The following THSD4 variants were observed in gnomAD, a reference collection of about 807,000 sequenced individuals.
THSD4 encodes thrombospondin type-1 domain-containing protein 4.
Under a neutral mutation model 119.0 loss-of-function variants are expected in THSD4, and 69 were observed. That is an observed-to-expected ratio of 0.58 (90% CI 0.48 to 0.71). The LOEUF (loss-of-function observed/expected upper bound fraction) is 0.71, where lower values mean the gene tolerates loss of function less well. Among genes scored for constraint, THSD4 ranks in the 30% least tolerant of loss-of-function variants. THSD4 has a pLI of 0.00. For synonymous variants in THSD4, 524 were observed against 540.4 expected, an observed-to-expected ratio of 0.97 and a Z score of 0.42; for missense variants, 1,393 against 1,391.1, an observed-to-expected ratio of 1.00 and a Z score of -0.02.
At chr15:71,677,356 T>C (rs988523851) in intron 8 of THSD4, among the ~76,000 whole-genome samples, 2 of 152,236 alleles carry the variant, frequency 1.3e-5, no homozygotes, top group African/African-American at 4.8e-5. Flanking sequence ...TCTTGCCTTT[T>C]CTTCACCAAA....
intron 6 of THSD4, among the ~76,000 whole-genome samples, chr15:71,289,547 C>T (rs1216575736): frequency 6.6e-6 from 1 of 152,160 alleles, no homozygotes; most frequent in Non-Finnish European, 1.5e-5. Context: ...TGGGGGTTCT[C>T]TTTTGAGGTC....
At chr15:71,678,687 A>G (rs556521353) in intron 8 of THSD4, among the ~76,000 whole-genome samples, 4 of 152,168 alleles carry the variant, frequency 2.6e-5, no homozygotes, top group Non-Finnish European at 5.9e-5. Context: ...TTTAGCATCA[A>G]CAGCTTTAAG....
intron 7 of THSD4, among the ~76,000 whole-genome samples, chr15:71,631,428 T>A (rs1239555286): frequency 6.6e-6 from 1 of 152,188 alleles, no homozygotes; most frequent in Admixed American, 6.5e-5. Flanking sequence ...ACAAACACCC[T>A]CACTAAGTCT....
At chr15:71,556,532 G>C in intron 7 of THSD4, among the ~76,000 whole-genome samples, 1 of 151,912 alleles carries the variant, frequency 6.6e-6, no homozygotes, top group African/African-American at 2.4e-5. Context: ...GGCAGATCAC[G>C]TGAGCCCAGG....
At chr15:71,462,072 G>A (rs1273736885) in intron 7 of THSD4, among the ~76,000 whole-genome samples, 4 of 152,116 alleles carry the variant, frequency 2.6e-5, no homozygotes, top group South Asian at 2.1e-4. Flanking sequence ...CCTTACAGTT[G>A]GAAGAAATCT....
At chr15:71,685,793 C>T (rs1320445141) in intron 8 of THSD4, among the ~76,000 whole-genome samples, 1 of 151,800 alleles carries the variant, frequency 6.6e-6, no homozygotes, top group Non-Finnish European at 1.5e-5. Context: ...GAAACCACAT[C>T]AATAAACTTG....
At chr15:71,598,820 G>A (rs1434379092) in intron 7 of THSD4, among the ~76,000 whole-genome samples, 1 of 151,996 alleles carries the variant, frequency 6.6e-6, no homozygotes, top group Non-Finnish European at 1.5e-5. Flanking sequence ...GTTTCGCCCT[G>A]TTGCCCAGGC....
intron 6 of THSD4, among the ~76,000 whole-genome samples, chr15:71,331,924 A>G (rs2140374359): frequency 6.6e-6 from 1 of 152,078 alleles, no homozygotes; most frequent in South Asian, 2.1e-4. Flanking sequence ...TCTTCCAGGA[A>G]GCAGACATCA....
chr15:71,668,040 A>AT (rs965732245), intron 8 of THSD4, among the ~76,000 whole-genome samples: 16 of 151,418 alleles, frequency 1.1e-4, no homozygotes, highest in Middle Eastern at 3.4e-3. Context: ...TATGTTATTG[A>AT]TTTTTTTTTA....
At chr15:71,217,433 G>C (rs912129772) in intron 4 of THSD4, among the ~76,000 whole-genome samples, 1 of 151,950 alleles carries the variant, frequency 6.6e-6, no homozygotes, top group African/African-American at 2.4e-5. Context: ...CTGGCTAAAC[G>C]TGGTGAAACC....
chr15:71,307,009 C>A (rs1451334790), intron 6 of THSD4, among the ~76,000 whole-genome samples: 1 of 152,214 alleles, frequency 6.6e-6, no homozygotes, highest in African/African-American at 2.4e-5. Context: ...TGTCCTCTCT[C>A]CAGGTCTTGC....
At chr15:71,605,284 T>A (rs977052414) in intron 7 of THSD4, among the ~76,000 whole-genome samples, 3 of 152,230 alleles carry the variant, frequency 2.0e-5, no homozygotes, top group African/African-American at 7.2e-5. Flanking sequence ...TTATACCTAC[T>A]GTCCTAATAT....
chr15:71,350,141 T>TAAAAAAAAAAAAAAAAAAAAA (rs3086680), intron 6 of THSD4, among the ~76,000 whole-genome samples: 2 of 111,174 alleles, frequency 1.8e-5, no homozygotes, highest in African/African-American at 3.6e-5. Flanking sequence ...TGCAAATTAC[T>TAAAAAAAAAAAAAAAAAAAAA]AAAAAAAAAA....
intron 8 of THSD4, among the ~76,000 whole-genome samples, chr15:71,721,193 C>T (rs939048087): frequency 1.3e-5 from 2 of 151,298 alleles, no homozygotes; most frequent in African/African-American, 2.4e-5. Flanking sequence ...ATGGTGAAAC[C>T]CTGTCTCTAT....
intron 7 of THSD4, among the ~76,000 whole-genome samples, chr15:71,482,393 C>T (rs2047745932): frequency 6.6e-6 from 1 of 151,454 alleles, no homozygotes; most frequent in African/African-American, 2.4e-5. Flanking sequence ...TGGGTTCACG[C>T]CATTCTCCTG....
intron 6 of THSD4, among the ~76,000 whole-genome samples, chr15:71,301,901 C>A (rs1217141057): frequency 1.3e-5 from 2 of 152,090 alleles, no homozygotes; most frequent in African/African-American, 4.8e-5. Flanking sequence ...AGATGGGATG[C>A]CTTTTGAGCG....
intron 3 of THSD4, 127 bp from the exon 4 acceptor site, chr15:71,214,908 A>G (rs369296390): frequency 1.1e-5 from 13 of 1,192,236 alleles, no homozygotes; most frequent in African/African-American, 6.4e-5. Context: ...GCTGGATTGT[A>G]TTAATACTTA....
At chr15:71,486,790 TGGA>T (rs2047829926) in intron 7 of THSD4, among the ~76,000 whole-genome samples, 2 of 152,272 alleles carry the variant, frequency 1.3e-5, no homozygotes, top group South Asian at 4.1e-4. Context: ...TTTGCAATTT[TGGA>T]GTGTGAGCTA....
intron 2 of THSD4, among the ~76,000 whole-genome samples, chr15:71,153,325 G>A (rs569323816): frequency 6.6e-6 from 1 of 152,286 alleles, no homozygotes; most frequent in Non-Finnish European, 1.5e-5. Flanking sequence ...GGTGGGAGGT[G>A]AGTGAGGGAT....
Sources: gnomAD v4.1 joint callset for allele counts (sites outside exome capture counted in the v4.1 genomes callset) on GRCh38, gnomAD v4.1.1 for gene constraint, MANE v1.5 for transcripts, NCBI Gene and HGNC (gene_info 2026-07-23, HGNC 2026-07-21) for gene names.